The following DACH2 variants were observed in gnomAD, a reference collection of about 807,000 sequenced individuals.
DACH2 encodes dachshund family transcription factor 2, also known as dachshund homolog 2.
In DACH2, 17 loss-of-function variants were observed where a neutral mutation model predicts 35.8. The observed-to-expected ratio is 0.48, with a 90% CI of 0.33 to 0.71. DACH2 has a LOEUF of 0.71. Ranked by LOEUF, DACH2 falls within the 30% of genes least tolerant of loss-of-function variation. The pLI, the probability that DACH2 is intolerant of heterozygous loss-of-function variation, is 0.02. For synonymous variants in DACH2, 195 were observed against 177.3 expected, an observed-to-expected ratio of 1.10 and a Z score of -0.79; for missense variants, 469 against 472.7, an observed-to-expected ratio of 0.99 and a Z score of 0.07.
chrX:86,530,498 T>TC lies in DACH2; in HGVS notation c.640+16107_640+16108insC, dbSNP rs781423877. Among the ~76,000 whole-genome samples the TC allele has an allele frequency of 9.8e-4, 108 of 109,839 alleles. 1 individual carries two copies. Among genetic ancestry groups the TC allele is most frequent in the East Asian group, 8.9e-3 (31 of 3,497 alleles). On this transcript the variant is annotated intron_variant, in intron 3 of 11. Transcript: ENST00000373125. ...GCATGGTACTTCCTTTCTCTCTCTC[T>TC]TTCTCTCTCTTTCTCTCCTGCCATG...
chrX:86,284,376 A>G (rs750793094), intron 1 of DACH2, among the ~76,000 whole-genome samples: 1 of 111,724 alleles, frequency 9.0e-6, no homozygotes, highest in Non-Finnish European at 1.9e-5. Context: ...TTCCGTTGAT[A>G]TGACTTATCA....
chrX:86,400,026 T>C (rs1360269783), intron 2 of DACH2, among the ~76,000 whole-genome samples: 4 of 111,698 alleles, frequency 3.6e-5, no homozygotes, highest in African/African-American at 1.3e-4. Flanking sequence ...ACCAATCAGA[T>C]GTAGATTTGG....
intron 1 of DACH2, among the ~76,000 whole-genome samples, chrX:86,324,827 T>C (rs1294389082): frequency 9.1e-6 from 1 of 109,308 alleles, no homozygotes; most frequent in Non-Finnish European, 1.9e-5. Context: ...GCCACTGTTG[T>C]CTTATTTTAA....
At chrX:86,369,199 A>G (rs2035850891) in intron 1 of DACH2, among the ~76,000 whole-genome samples, 1 of 111,091 alleles carries the variant, frequency 9.0e-6, no homozygotes, top group African/African-American at 3.3e-5. Flanking sequence ...TTTGAAAGAT[A>G]ATAATTTGTA....
chrX:86,687,264 C>T (rs2143483), intron 4 of DACH2, among the ~76,000 whole-genome samples: 26,366 of 109,363 alleles, frequency 0.24, 2,609 homozygotes, highest in Admixed American at 0.46. Context: ...GTAAAGATAA[C>T]GCAGCCAGCC....
intron 4 of DACH2, among the ~76,000 whole-genome samples, chrX:86,657,743 C>T (rs1238460436): frequency 2.7e-5 from 3 of 111,028 alleles, no homozygotes; most frequent in South Asian, 7.6e-4. Context: ...GTTTTAAATG[C>T]CTTATTGTGG....
At chrX:86,715,605 A>G (rs960445679) in intron 6 of DACH2, among the ~76,000 whole-genome samples, 2 of 111,689 alleles carry the variant, frequency 1.8e-5, no homozygotes, top group Non-Finnish European at 3.8e-5. Flanking sequence ...TAATAATTAC[A>G]TGCCAGGTTA....
intron 1 of DACH2, among the ~76,000 whole-genome samples, chrX:86,180,374 T>A (rs1473807316): frequency 1.9e-5 from 2 of 107,145 alleles, no homozygotes; most frequent in Non-Finnish European, 3.9e-5. Context: ...ATAGTCTTAT[T>A]GATTTGAATT....
At chrX:86,478,639 T>C (rs2037887559) in intron 2 of DACH2, among the ~76,000 whole-genome samples, 1 of 108,281 alleles carries the variant, frequency 9.2e-6, no homozygotes, top group Non-Finnish European at 1.9e-5. Context: ...GTTTTGAAAC[T>C]GGAGGGGTTC....
chrX:86,314,508 A>T (rs1235082675), intron 1 of DACH2, among the ~76,000 whole-genome samples: 1 of 110,554 alleles, frequency 9.0e-6, no homozygotes, highest in African/African-American at 3.3e-5. Context: ...ACACATCAAG[A>T]CTCTGTGTGT....
intron 3 of DACH2, among the ~76,000 whole-genome samples, chrX:86,547,211 G>C (rs904440980): frequency 1.4e-4 from 16 of 111,379 alleles, no homozygotes; most frequent in Admixed American, 6.7e-4. Context: ...GTCAACCTGT[G>C]GAAACACAAC....
chrX:86,190,320 C>T (rs1310154270), intron 1 of DACH2, among the ~76,000 whole-genome samples: 1 of 111,692 alleles, frequency 9.0e-6, no homozygotes, highest in Non-Finnish European at 1.9e-5. Context: ...TTCGTGGTTA[C>T]AGAAACTTCT....
chrX:86,810,072 G>GTAA (rs1265303589), intron 7 of DACH2, among the ~76,000 whole-genome samples: 3 of 111,708 alleles, frequency 2.7e-5, no homozygotes, highest in Non-Finnish European at 5.6e-5. Context: ...TTAAAGAAGA[G>GTAA]TAATACTATT....
chrX:86,290,896 G>A (rs1440856633), intron 1 of DACH2, among the ~76,000 whole-genome samples: 1 of 107,516 alleles, frequency 9.3e-6, no homozygotes, highest in Non-Finnish European at 1.9e-5. Flanking sequence ...GGATTGACTT[G>A]GCGATGCGGG....
chrX:86,753,604 T>C (rs1269593944), intron 7 of DACH2, among the ~76,000 whole-genome samples: 2 of 111,530 alleles, frequency 1.8e-5, no homozygotes, highest in African/African-American at 3.3e-5. Flanking sequence ...CAGTTCTTAC[T>C]ATGATTTCCA....
At chrX:86,189,806 C>G (rs1188616158) in intron 1 of DACH2, among the ~76,000 whole-genome samples, 1 of 111,040 alleles carries the variant, frequency 9.0e-6, no homozygotes, top group East Asian at 2.8e-4. Context: ...ACCAGATGGC[C>G]ACTCTTTTTC....
chrX:86,182,065 C>A (rs968640583), intron 1 of DACH2, among the ~76,000 whole-genome samples: 12 of 111,401 alleles, frequency 1.1e-4, no homozygotes, highest in African/African-American at 3.6e-4. Flanking sequence ...GTTTAAGTTC[C>A]TTGTAGATTC....
chrX:86,637,511 C>T (rs753299763), intron 3 of DACH2, among the ~76,000 whole-genome samples: 62 of 111,261 alleles, frequency 5.6e-4, no homozygotes, highest in African/African-American at 1.1e-3. Flanking sequence ...AAAGAAAATG[C>T]GGTGTATATA....
intron 5 of DACH2, among the ~76,000 whole-genome samples, chrX:86,704,981 G>A (rs1314762516): frequency 1.0e-5 from 1 of 98,357 alleles, no homozygotes; most frequent in Admixed American, 1.1e-4. Context: ...GCAAAAATAT[G>A]GAACCAGCCC....
Sources: gnomAD v4.1 joint callset for allele counts (sites outside exome capture counted in the v4.1 genomes callset) on GRCh38, gnomAD v4.1.1 for gene constraint, MANE v1.5 for transcripts, NCBI Gene and HGNC (gene_info 2026-07-23, HGNC 2026-07-21) for gene names.